Variants in ZDHHC14 observed in about 807,000 individuals in gnomAD.
The protein encoded by ZDHHC14 is palmitoyltransferase ZDHHC14.
A neutral mutation model predicts 47.7 loss-of-function variants in ZDHHC14; 16 were observed. That is an observed-to-expected ratio of 0.34 (90% CI 0.23 to 0.51). The LOEUF is 0.51. ZDHHC14 is among the 20% of genes least tolerant of loss of function. The pLI, the probability that ZDHHC14 is intolerant of heterozygous loss-of-function variation, is 0.97. For missense variants in ZDHHC14, 515 were observed against 662.5 expected (o/e 0.78, Z 2.44); for synonymous variants, 293 against 278.9 (o/e 1.05, Z -0.50).
intron 1 of ZDHHC14, among the ~76,000 whole-genome samples, chr6:157,514,746 T>G (rs112013895): frequency 1.3e-5 from 2 of 152,280 alleles, no homozygotes; most frequent in African/African-American, 4.8e-5. Context: ...TGACCCAGCC[T>G]CTCTTCCCCG....
intron 3 of ZDHHC14, among the ~76,000 whole-genome samples, chr6:157,619,139 G>T (rs1785079599): frequency 6.6e-6 from 1 of 151,976 alleles, no homozygotes; most frequent in Admixed American, 6.6e-5. Flanking sequence ...AGGATTTATG[G>T]GGAGGCCGAG....
At chr6:157,630,757 CCA>C (rs200062365) in intron 4 of ZDHHC14, 2,750 of 145,940 alleles carry the variant, frequency 0.019, 38 homozygotes, top group Non-Finnish European at 0.023. Context: ...TCGTACACGC[CCA>C]CACACACCCT....
Position 157,403,525 on chromosome 6 carries a change from C to T in ZDHHC14, c.245+21259C>T, listed in dbSNP as rs557248164. ...CCCCTAAACTCCAGTACAATTATTC[C>T]CTGCACTATTGTTCTCTGCCTTAAG... On this transcript the variant is annotated intron_variant, in intron 1 of 8. Coordinates refer to ENST00000359775, the MANE Select transcript of ZDHHC14 (RefSeq NM_024630.3). Among the ~76,000 whole-genome samples the T allele has an allele frequency of 2.0e-5, 3 of 152,308 alleles. No homozygotes were observed. The South Asian group carries it at 6.2e-4, about 32-fold the overall frequency.
In ZDHHC14 at chr6:157,381,201, AC is replaced by A. The variant is rs1008587145; in HGVS notation, c.-820del. On this transcript the variant is annotated 5_prime_UTR_variant, in exon 1 of 9. Transcript: ENST00000359775. The stretch of plus-strand genomic sequence containing the variant: ...GCGCGCGCCGGGCTGAGCCTTGCAA[AC>A]AAGTGTCTGTGCTGTGTCCCCGCGG... 2.7e-5 allele frequency: 4 copies of A among 149,592 alleles called. No individual in the cohort carries two copies. The highest frequency in any genetic ancestry group is 9.9e-5 in the African/African-American group (4 of 40,418). 9.3% of individuals were successfully genotyped at this position (149,592 alleles called of 1,614,324 possible).
At chr6:157,485,620 G>T (rs1398959135) in intron 1 of ZDHHC14, among the ~76,000 whole-genome samples, 10 of 151,712 alleles carry the variant, frequency 6.6e-5, no homozygotes, top group Non-Finnish European at 1.3e-4. Flanking sequence ...CTCTTAAAAG[G>T]CTAAATCTTT....
intron 1 of ZDHHC14, among the ~76,000 whole-genome samples, chr6:157,535,197 C>T (rs1313140979): frequency 2.6e-5 from 4 of 152,198 alleles, no homozygotes; most frequent in African/African-American, 4.8e-5. Context: ...TCTCTGTTCA[C>T]GCAAGTGCTT....
At position 157,678,007 on chromosome 6, in the gene ZDHHC14, T is replaced by C. The variant is rs1778998954; in HGVS notation, c.*4885T>C. On this transcript the variant is annotated 3_prime_UTR_variant, in exon 9 of 9. Transcript: ENST00000359775. ...CTAAATCCAAACAATGGTGAACACA[T>C]GTACATAACATTTCATGTTTTCAGA... The C allele has an allele frequency of 6.6e-6, 1 of 152,014 alleles. No homozygotes were observed. Among genetic ancestry groups the C allele is most frequent in the Admixed American group, 6.5e-5 (1 of 15,272 alleles). The allele number at this position is 152,014 out of a possible 1,614,324, so 9.4% of individuals were successfully genotyped here. A position where few individuals can be genotyped will look rare whatever the true frequency, so the allele number is the denominator to read the frequency against.
chr6:157,391,906 A>G (rs1777426051), intron 1 of ZDHHC14, among the ~76,000 whole-genome samples: 1 of 152,216 alleles, frequency 6.6e-6, no homozygotes, highest in Non-Finnish European at 1.5e-5. Context: ...ATGTTTTTGC[A>G]TATATATGTA....
At chr6:157,565,804 CAA>C (rs758559905) in intron 2 of ZDHHC14, among the ~76,000 whole-genome samples, 40 of 99,332 alleles carry the variant, frequency 4.0e-4, no homozygotes, top group Middle Eastern at 5.7e-3. Context: ...ACTCCGTCTC[CAA>C]AAAAAAAAAA....
intron 1 of ZDHHC14, among the ~76,000 whole-genome samples, chr6:157,531,882 C>T (rs1781381489): frequency 6.6e-6 from 1 of 152,258 alleles, no homozygotes; most frequent in Non-Finnish European, 1.5e-5. Flanking sequence ...TTTTCCGTAG[C>T]GGTAACATCT....
rs546340487 is a variant in ZDHHC14, at chr6:157,672,373, C to T, written c.1069-351C>T. Among the ~76,000 whole-genome samples the T allele has an allele frequency of 2.6e-5, 4 of 152,294 alleles. No homozygotes were observed. The East Asian group carries it at 5.8e-4, about 22-fold the overall frequency. ...TGGTTTTCAGCATACAAGAAACAGC[C>T]ACCCACTGCTGTAGATGGCCTGTGA... On this transcript the variant is annotated intron_variant, in intron 8 of 8. Coordinates refer to ENST00000359775, the MANE Select transcript of ZDHHC14 (RefSeq NM_024630.3).
chr6:157,596,790 C>T (rs1279487241), intron 3 of ZDHHC14, among the ~76,000 whole-genome samples: 1 of 152,138 alleles, frequency 6.6e-6, no homozygotes, highest in African/African-American at 2.4e-5. Context: ...ACAGACAGAC[C>T]TGCGGCACAC....
chr6:157,539,809 G>A (rs1255555552), intron 1 of ZDHHC14, among the ~76,000 whole-genome samples: 1 of 152,004 alleles, frequency 6.6e-6, no homozygotes, highest in Non-Finnish European at 1.5e-5. Flanking sequence ...GTAGTGGAGG[G>A]GGCTTAACTT....
chr6:157,625,886 C>T (rs754608620), intron 3 of ZDHHC14, among the ~76,000 whole-genome samples: 3 of 152,036 alleles, frequency 2.0e-5, no homozygotes, highest in Non-Finnish European at 4.4e-5. Flanking sequence ...TCAGGGCTAC[C>T]GGAGAGCCAG....
At chr6:157,613,749 A>G (rs544152147) in intron 3 of ZDHHC14, among the ~76,000 whole-genome samples, 2 of 152,308 alleles carry the variant, frequency 1.3e-5, no homozygotes, top group East Asian at 3.9e-4. Context: ...CTGATAGGTC[A>G]TCCATTCTTA....
intron 5 of ZDHHC14, among the ~76,000 whole-genome samples, chr6:157,641,110 A>G (rs950536084): frequency 1.3e-5 from 2 of 152,292 alleles, no homozygotes; most frequent in South Asian, 2.1e-4. Context: ...ACTATTTCGT[A>G]GAATTCCACA....
intron 3 of ZDHHC14, among the ~76,000 whole-genome samples, chr6:157,609,773 A>G (rs963848389): frequency 1.3e-5 from 2 of 152,164 alleles, no homozygotes; most frequent in South Asian, 2.1e-4. Context: ...GTGGACAGCA[A>G]TGGAATGCTT....
At chr6:157,574,668 G>T (rs1479814878) in intron 2 of ZDHHC14, among the ~76,000 whole-genome samples, 1 of 152,096 alleles carries the variant, frequency 6.6e-6, no homozygotes, top group Non-Finnish European at 1.5e-5. Context: ...CATTCATTAC[G>T]TCCATTCATC....
intron 1 of ZDHHC14, among the ~76,000 whole-genome samples, chr6:157,386,418 C>T (rs146347682): frequency 6.6e-6 from 1 of 152,154 alleles, no homozygotes; most frequent in Non-Finnish European, 1.5e-5. Flanking sequence ...CTCTGTGAAG[C>T]TGTGGCTTTG....
Sources: allele counts gnomAD v4.1 joint callset (sites outside exome capture counted in the v4.1 genomes callset), GRCh38; gene constraint gnomAD v4.1.1; transcripts MANE v1.5; gene names NCBI Gene and HGNC (gene_info 2026-07-23, HGNC 2026-07-21).